The following SAMHD1 variants were observed in gnomAD, a reference collection of about 807,000 sequenced individuals.
SAMHD1 encodes deoxynucleoside triphosphate triphosphohydrolase SAMHD1.
A neutral mutation model predicts 79.6 loss-of-function variants in SAMHD1; 54 were observed. The observed-to-expected ratio is 0.68, with a 90% CI of 0.55 to 0.85. The LOEUF is 0.85. SAMHD1 is among the 40% of genes least tolerant of loss of function. The pLI is 0.00. For synonymous variants in SAMHD1, 260 were observed against 264.1 expected, an observed-to-expected ratio of 0.98 and a Z score of 0.15; for missense variants, 663 against 782.7, an observed-to-expected ratio of 0.85 and a Z score of 1.82.
intron 1 of SAMHD1, among the ~76,000 whole-genome samples, chr20:36,948,976 A>G (rs770269032): frequency 6.1e-5 from 9 of 147,172 alleles, no homozygotes; most frequent in African/African-American, 1.0e-4. Context: ...AATCAAACAC[A>G]TAGGCCGGCC....
At chr20:36,937,448 C>A (rs1217512490) in intron 3 of SAMHD1, among the ~76,000 whole-genome samples, 19 of 152,142 alleles carry the variant, frequency 1.2e-4, no homozygotes. Flanking sequence ...AACCCACAGA[C>A]TGGGAAAAAA....
chr20:36,921,179 G>A (rs2063501438), intron 6 of SAMHD1, among the ~76,000 whole-genome samples: 1 of 151,964 alleles, frequency 6.6e-6, no homozygotes, highest in Non-Finnish European at 1.5e-5. Flanking sequence ...CAGATCACGA[G>A]GTCAGGAGAT....
rs35061251 is a variant in SAMHD1, at chr20:36,947,310, G to GGTGTGTGTGTGT, written c.209-518_209-507dup. On this transcript the variant is annotated intron_variant, in intron 1 of 15. Transcript: ENST00000646673. The stretch of plus-strand genomic sequence containing the variant: ...GCACTCAATACTCTGATTTGGAAGA[G>GGTGTGTGTGTGT]GTGTGTGTGTGTGTGTGTGTGTGTG... Among the ~76,000 whole-genome samples the GGTGTGTGTGTGT allele has an allele frequency of 3.8e-3, 320 of 85,124 alleles. 17 individuals are homozygous for GGTGTGTGTGTGT. Among genetic ancestry groups the GGTGTGTGTGTGT allele is most frequent in the African/African-American group, 7.1e-3 (152 of 21,358 alleles). The allele number at this position is 85,124 out of a possible 152,430, so 55.8% of individuals were successfully genotyped here.
At chr20:36,912,999 CTT>C (rs747354843) in intron 9 of SAMHD1, among the ~76,000 whole-genome samples, 3 of 106,304 alleles carry the variant, frequency 2.8e-5, no homozygotes, top group Admixed American at 1.0e-4. Flanking sequence ...TTCTTTCTTC[CTT>C]TTTTTTTTTT....
At position 36,927,249 on chromosome 20, in the gene SAMHD1, T is replaced by C. The variant is rs2146127845; in HGVS notation, c.629A>G (p.His210Arg). 2 of 1,612,940 alleles carry C rather than the reference T, an allele frequency of 1.2e-6. No individual in the cohort carries two copies. Among genetic ancestry groups the C allele is most frequent in the South Asian group, 2.2e-5 (2 of 91,056 alleles). Residue 210 changes from histidine (H) to arginine (R), a missense_variant, in exon 6 of 16, where the codon CAT becomes CGT. Coordinates refer to ENST00000646673, the MANE Select transcript of SAMHD1 (RefSeq NM_015474.4). Reference sequence around the variant, plus strand: ...ATCAAACATGTGAGAAAATGGCCCATGACCTTAAAAACAAAAGCAGCCTTA... The same window carrying C: ...ATCAAACATGTGAGAAAATGGCCCACGACCTTAAAAACAAAAGCAGCCTTA... ...QIAGLCHDLG[H>R]GPFSHMFDGR...
At chr20:36,948,247 A>C (rs918644951) in intron 1 of SAMHD1, among the ~76,000 whole-genome samples, 2 of 151,496 alleles carry the variant, frequency 1.3e-5, no homozygotes, top group African/African-American at 4.8e-5. Flanking sequence ...ACTTAGATAA[A>C]GAGAGACTTT....
At chr20:36,904,377 G>A in intron 12 of SAMHD1, 128 bp from the exon 13 acceptor site, 1 of 736,110 alleles carries the variant, frequency 1.4e-6, no homozygotes, top group Admixed American at 2.0e-5. Flanking sequence ...AACAAATATA[G>A]CTCCTACCAA....
chr20:36,890,436 C>CTTTTCTTTCTCTCT lies in SAMHD1; in HGVS notation c.*2495_*2496insAGAGAGAAAGAAAA, dbSNP rs2148350197. 4.0e-5 allele frequency: 1 copy of CTTTTCTTTCTCTCT among 25,190 alleles called. No individual in the cohort carries two copies. Among genetic ancestry groups the CTTTTCTTTCTCTCT allele is most frequent in the South Asian group, 2.4e-3 (1 of 420 alleles). The allele number at this position is 25,190 out of a possible 1,614,324, so 1.6% of individuals were successfully genotyped here. ...TTTCTTTCTTTTCTTTCTCTCTTTC[C>CTTTTCTTTCTCTCT]TTCCTTCCTTCCCTCCTTCCTTCCT... On this transcript the variant is annotated 3_prime_UTR_variant, in exon 16 of 16. Coordinates refer to ENST00000646673, the MANE Select transcript of SAMHD1 (RefSeq NM_015474.4).
rs372859692 is a variant in SAMHD1, at chr20:36,912,455, T to C, written c.1154+6A>G. ...TTTATAGGGAAATGACAATCAAGTT[T>C]CTTACATTGTATCAATAATGTTGCC... On this transcript the variant is annotated splice_donor_region_variant and intron_variant, in intron 10 of 15. Coordinates refer to ENST00000646673, the MANE Select transcript of SAMHD1 (RefSeq NM_015474.4). 1.9e-6 allele frequency: 3 copies of C among 1,584,872 alleles called. No homozygotes were observed. The highest frequency in any genetic ancestry group is 2.6e-6 in the Non-Finnish European group (3 of 1,153,700).
At chr20:36,921,324 C>T (rs1396960285) in intron 6 of SAMHD1, among the ~76,000 whole-genome samples, 3 of 121,532 alleles carry the variant, frequency 2.5e-5, no homozygotes, top group East Asian at 2.9e-4. Context: ...ACTCGGGAGG[C>T]GGAGGTTGCA....
chr20:36,893,037 T>C lies in SAMHD1; in HGVS notation c.1776A>G (p.Thr592=), dbSNP rs766253283. Residue 592 remains threonine, a synonymous_variant, in exon 16 of 16, where the codon ACA becomes ACG. Transcript: ENST00000646673. Reference sequence around the variant, plus strand: ...TGTCGTTCCATTCCTTTTTTTGAGGTGTTATGAGTGGGGCTATAACATCGC... The same window carrying C: ...TGTCGTTCCATTCCTTTTTTTGAGGCGTTATGAGTGGGGCTATAACATCGC... ...QDGDVIAPLI[T]PQKKEWNDST... 6.2e-7 allele frequency: 1 copy of C among 1,613,866 alleles called. No individual in the cohort carries two copies. Among genetic ancestry groups the C allele is most frequent in the South Asian group, 1.1e-5 (1 of 91,064 alleles).
intron 4 of SAMHD1, chr20:36,934,681 G>A: frequency 7.5e-6 from 1 of 132,852 alleles, no homozygotes; most frequent in African/African-American, 2.8e-5. Context: ...TTTTGAGATG[G>A]GGTTTTGCTC....
chr20:36,921,854 A>G (rs1221713296), intron 6 of SAMHD1, among the ~76,000 whole-genome samples: 1 of 152,028 alleles, frequency 6.6e-6, no homozygotes. Context: ...ATGCCCAGAT[A>G]ATTTTTATAT....
At chr20:36,895,383 C>T (rs1990178926) in intron 15 of SAMHD1, among the ~76,000 whole-genome samples, 1 of 151,988 alleles carries the variant, frequency 6.6e-6, no homozygotes, top group Admixed American at 6.6e-5. Flanking sequence ...TCCTGACCAA[C>T]CAAGACCAGC....
chr20:36,940,391 G>T (rs765336988), intron 3 of SAMHD1: 49 of 152,666 alleles, frequency 3.2e-4, no homozygotes, highest in Non-Finnish European at 6.0e-4. Flanking sequence ...GGGAGAAAAG[G>T]ATAGAAACAT....
intron 9 of SAMHD1, among the ~76,000 whole-genome samples, chr20:36,913,756 CTT>C (rs35178473): frequency 9.6e-5 from 13 of 135,332 alleles, no homozygotes; most frequent in South Asian, 2.3e-4. Context: ...TCATTCTTGA[CTT>C]TTTTTTTTTT....
chr20:36,943,368 T>C, intron 2 of SAMHD1, among the ~76,000 whole-genome samples: 1 of 152,228 alleles, frequency 6.6e-6, no homozygotes, highest in East Asian at 1.9e-4. Context: ...ATGGCTAGTG[T>C]AACTGAGGAA....
At chr20:36,917,312 C>A in intron 7 of SAMHD1, 1 of 414,722 alleles carries the variant, frequency 2.4e-6, no homozygotes. Context: ...ATTACATTTC[C>A]CAAAACCAAC....
rs1011188505 is a variant in SAMHD1, at chr20:36,898,610, G to A, written c.1504-66C>T. 1.5e-5 allele frequency: 19 copies of A among 1,268,486 alleles called. No individual in the cohort carries two copies. The Middle Eastern group carries it at 5.6e-4, about 37-fold the overall frequency. The allele number at this position is 1,268,486 out of a possible 1,614,324, so 78.6% of individuals were successfully genotyped here. Reference sequence around the variant, plus strand: ...GAGAACTGAACTCAGGGCTGTAGGAGCATAACAAGAAATGGAACAGAGGCC... The same window carrying A: ...GAGAACTGAACTCAGGGCTGTAGGAACATAACAAGAAATGGAACAGAGGCC... On this transcript the variant is annotated intron_variant, in intron 13 of 15. Coordinates refer to ENST00000646673, the MANE Select transcript of SAMHD1 (RefSeq NM_015474.4).
Sources: allele counts gnomAD v4.1 joint callset (sites outside exome capture counted in the v4.1 genomes callset), GRCh38; gene constraint gnomAD v4.1.1; transcripts MANE v1.5; gene names NCBI Gene and HGNC (gene_info 2026-07-23, HGNC 2026-07-21).